Variants in ZBTB44 observed in about 807,000 individuals in gnomAD.
The protein encoded by ZBTB44 is zinc finger and BTB domain containing 44.
ZBTB44 carries 15 observed loss-of-function variants against 54.0 expected under a neutral mutation model. The observed-to-expected ratio is 0.28, with a 90% CI of 0.19 to 0.43. The LOEUF (loss-of-function observed/expected upper bound fraction) is 0.43. Ranked by LOEUF, ZBTB44 falls within the 20% of genes least tolerant of loss-of-function variation. The pLI, the probability that ZBTB44 is intolerant of heterozygous loss-of-function variation, is 1.00. For missense variants in ZBTB44, 487 were observed against 707.1 expected, an observed-to-expected ratio of 0.69 and a Z score of 3.53; for synonymous variants, 230 against 250.1, an observed-to-expected ratio of 0.92 and a Z score of 0.76.
intron 1 of ZBTB44, among the ~76,000 whole-genome samples, chr11:130,265,121 TCAG>T (rs1939155867): frequency 6.6e-6 from 1 of 152,158 alleles, no homozygotes; most frequent in Non-Finnish European, 1.5e-5. Context: ...CTCCTCCTCC[TCAG>T]GTCTCCATAT....
intron 4 of ZBTB44, 26 bp downstream of exon 4, chr11:130,238,418 C>A (rs370109262): frequency 2.4e-5 from 38 of 1,589,156 alleles, no homozygotes; most frequent in Admixed American, 3.6e-5. Flanking sequence ...CGTTCACTTA[C>A]GCACCAACAG....
intron 2 of ZBTB44, among the ~76,000 whole-genome samples, chr11:130,247,148 C>A (rs1937612839): frequency 1.3e-5 from 2 of 152,192 alleles, no homozygotes; most frequent in African/African-American, 2.4e-5. Context: ...GCCTTTTTAA[C>A]ACCTTCTTAC....
At chr11:130,259,165 T>C (rs554058953) in intron 2 of ZBTB44, among the ~76,000 whole-genome samples, 87 of 152,258 alleles carry the variant, frequency 5.7e-4, no homozygotes, top group African/African-American at 1.8e-3. Context: ...AATTTATAGA[T>C]TCAGTGCTAT....
intron 2 of ZBTB44, among the ~76,000 whole-genome samples, chr11:130,253,675 CATCAAGCTACCA>C (rs1938207470): frequency 6.6e-6 from 1 of 152,180 alleles, no homozygotes; most frequent in African/African-American, 2.4e-5. Flanking sequence ...ATGCCATCCC[CATCAAGCTACCA>C]ATGACTTTCT....
At chr11:130,304,855 C>T (rs1942183881) in intron 1 of ZBTB44, among the ~76,000 whole-genome samples, 1 of 151,948 alleles carries the variant, frequency 6.6e-6, no homozygotes, top group Admixed American at 6.6e-5. Context: ...CCTAGAAAAC[C>T]CTCAAGATTC....
intron 1 of ZBTB44, among the ~76,000 whole-genome samples, chr11:130,288,406 TA>T (rs980258238): frequency 1.4e-5 from 2 of 147,186 alleles, no homozygotes; most frequent in African/African-American, 2.7e-5. Flanking sequence ...TAAAATAAAA[TA>T]AAAAAATAAC....
Position 130,230,486 on chromosome 11 carries a change from G to A in ZBTB44, c.*1278C>T, listed in dbSNP as rs1035025263. 8.3e-6 allele frequency: 1 copy of A among 120,134 alleles called. No individual in the cohort carries two copies. Among genetic ancestry groups the A allele is most frequent in the Non-Finnish European group, 1.6e-5 (1 of 62,238 alleles). 7.4% of individuals were successfully genotyped at this position (120,134 alleles called of 1,614,324 possible). On this transcript the variant is annotated 3_prime_UTR_variant, in exon 8 of 8. Transcript: ENST00000357899. ...TGTCGTAACAGGGGATCTAATTACT[G>A]TAAGCCAGAATGATTGCTGAAATGT...
intron 1 of ZBTB44, among the ~76,000 whole-genome samples, chr11:130,302,674 G>A (rs946222862): frequency 6.6e-6 from 1 of 152,188 alleles, no homozygotes; most frequent in Admixed American, 6.5e-5. Context: ...ACCACCACCA[G>A]TAAAAAAGTG....
At chr11:130,259,491 G>C (rs1303383725) in intron 2 of ZBTB44, among the ~76,000 whole-genome samples, 1 of 152,132 alleles carries the variant, frequency 6.6e-6, no homozygotes, top group African/African-American at 2.4e-5. Context: ...CTACTATAAA[G>C]ACACATGCGC....
intron 1 of ZBTB44, among the ~76,000 whole-genome samples, chr11:130,278,363 G>C (rs1037713327): frequency 2.6e-4 from 40 of 152,306 alleles, no homozygotes; most frequent in African/African-American, 8.4e-4. Flanking sequence ...GTGGTTGTAA[G>C]GGTACTTGAA....
At chr11:130,233,901 T>G (rs1445696650) in intron 6 of ZBTB44, 1 of 1,068,000 alleles carries the variant, frequency 9.4e-7, no homozygotes, top group Non-Finnish European at 1.1e-6. Context: ...CCACCCGGCT[T>G]TTTTTGTTTA....
At chr11:130,251,093 G>A (rs1196025085) in intron 2 of ZBTB44, among the ~76,000 whole-genome samples, 2 of 152,180 alleles carry the variant, frequency 1.3e-5, no homozygotes, top group Non-Finnish European at 1.5e-5. Flanking sequence ...GTTTACGGAA[G>A]AACATAAATG....
intron 1 of ZBTB44, among the ~76,000 whole-genome samples, chr11:130,313,286 G>A (rs1942733339): frequency 6.6e-6 from 1 of 152,130 alleles, no homozygotes; most frequent in Non-Finnish European, 1.5e-5. Flanking sequence ...AGGTTGTTCT[G>A]AGAATTAAAT....
At chr11:130,274,958 T>C (rs1193651783) in intron 1 of ZBTB44, among the ~76,000 whole-genome samples, 1 of 152,198 alleles carries the variant, frequency 6.6e-6, no homozygotes, top group Non-Finnish European at 1.5e-5. Flanking sequence ...AAATGTTTGG[T>C]AGAATTCACT....
chr11:130,276,878 G>T (rs911149298), intron 1 of ZBTB44, among the ~76,000 whole-genome samples: 1 of 152,076 alleles, frequency 6.6e-6, no homozygotes. Context: ...CTGATGAAAT[G>T]ACCCTTTTAT....
Position 130,299,452 on chromosome 11 carries a change from C to A in ZBTB44, c.-57+14923G>T, listed in dbSNP as rs192423119. 2.8e-3 allele frequency among the ~76,000 whole-genome samples: 432 copies of A among 151,778 alleles called. 2 individuals are homozygous for A. The highest frequency in any genetic ancestry group is 4.2e-3 in the Non-Finnish European group (284 of 67,970). On this transcript the variant is annotated intron_variant, in intron 1 of 7. Transcript: ENST00000357899. ...CCTGTAATCCCAGCTACTTGGGAGG[C>A]TGGGGCAGGAGAATCACTTGAACCC...
chr11:130,274,361 T>A (rs374579188), intron 1 of ZBTB44, among the ~76,000 whole-genome samples: 1 of 152,220 alleles, frequency 6.6e-6, no homozygotes, highest in East Asian at 1.9e-4. Flanking sequence ...TTATTTATCT[T>A]GCCTAATTTC....
chr11:130,305,671 G>C (rs922857571), intron 1 of ZBTB44, among the ~76,000 whole-genome samples: 5 of 152,096 alleles, frequency 3.3e-5, no homozygotes, highest in South Asian at 2.1e-4. Flanking sequence ...GATAACATCA[G>C]AAAAACTCTT....
At chr11:130,312,554 C>A (rs1477164331) in intron 1 of ZBTB44, among the ~76,000 whole-genome samples, 1 of 152,002 alleles carries the variant, frequency 6.6e-6, no homozygotes, top group Non-Finnish European at 1.5e-5. Context: ...ATTAGGAGGG[C>A]ACAAATCCAG....
Sources: allele counts gnomAD v4.1 joint callset (sites outside exome capture counted in the v4.1 genomes callset), GRCh38; gene constraint gnomAD v4.1.1; transcripts MANE v1.5; gene names NCBI Gene and HGNC (gene_info 2026-07-23, HGNC 2026-07-21).